EPAS1: variants seen among roughly 807,000 people sequenced by gnomAD.
EPAS1 encodes the protein endothelial PAS domain-containing protein 1.
A neutral mutation model predicts 87.9 loss-of-function variants in EPAS1; 23 were observed. The observed-to-expected ratio is 0.26, with a 90% CI of 0.19 to 0.37. EPAS1 has a LOEUF of 0.37. Among genes scored for constraint, EPAS1 ranks in the 10% least tolerant of loss-of-function variants. EPAS1 has a pLI of 1.00. For missense variants in EPAS1, 1,138 were observed against 1,120.7 expected (o/e 1.02, Z -0.22); for synonymous variants, 508 against 444.3 (o/e 1.14, Z -1.80).
intron 1 of EPAS1, among the ~76,000 whole-genome samples, chr2:46,307,710 G>A (rs1683131051): frequency 6.6e-6 from 1 of 152,102 alleles, no homozygotes; most frequent in Admixed American, 6.5e-5. Context: ...GGAAATTAGT[G>A]CCCCCGTGCA....
chr2:46,385,376 G>A lies in EPAS1; in HGVS notation c.*716G>A, dbSNP rs1239783580. 6.6e-6 allele frequency: 1 copy of A among 152,550 alleles called. No homozygotes were observed. The highest frequency in any genetic ancestry group is 1.5e-5 in the Non-Finnish European group (1 of 68,072). 9.4% of individuals were successfully genotyped at this position (152,550 alleles called of 1,614,324 possible). A position where few individuals can be genotyped will look rare whatever the true frequency, so the allele number is the denominator to read the frequency against. On this transcript the variant is annotated 3_prime_UTR_variant, in exon 16 of 16. Transcript: ENST00000263734. The stretch of plus-strand genomic sequence containing the variant: ...AAAAACATAACTGAGTTTTTTAAAA[G>A]AGGAGAAAATTTATATCTGGGTTAA...
intron 1 of EPAS1, among the ~76,000 whole-genome samples, chr2:46,319,137 A>T (rs906966659): frequency 1.3e-5 from 2 of 152,256 alleles, no homozygotes; most frequent in Non-Finnish European, 2.9e-5. Flanking sequence ...GCTGCAAAAT[A>T]AAAGGTTAAG....
At chr2:46,384,468 C>T (rs373897952) in intron 15 of EPAS1, 41 bp from the exon 16 acceptor site, 18 of 1,613,818 alleles carry the variant, frequency 1.1e-5, no homozygotes, top group Non-Finnish European at 1.4e-5. Context: ...TCCAAATGTT[C>T]GATTTAGGCC....
At chr2:46,348,749 G>A (rs939338219) in intron 2 of EPAS1, among the ~76,000 whole-genome samples, 1 of 152,204 alleles carries the variant, frequency 6.6e-6, no homozygotes, top group Non-Finnish European at 1.5e-5. Context: ...TCAGATTTTG[G>A]AATGCTTGCA....
In EPAS1 at chr2:46,371,449, T is replaced by TGC. The variant is rs1374505117; in HGVS notation, c.886+1517_886+1518insCG. 2.0e-5 allele frequency among the ~76,000 whole-genome samples: 3 copies of TGC among 152,212 alleles called. No homozygotes were observed. The highest frequency in any genetic ancestry group is 4.4e-5 in the Non-Finnish European group (3 of 68,044). The stretch of plus-strand genomic sequence containing the variant: ...ATGATATCTCAGAGAAGTTTCTCAC[T>TGC]GTGCTCTCTGGCAAAACACACACGC... On this transcript the variant is annotated intron_variant, in intron 7 of 15. Coordinates refer to ENST00000263734, the MANE Select transcript of EPAS1 (RefSeq NM_001430.5). The surrounding 1 kb of genome is among the most constrained non-coding windows in gnomAD (Gnocchi z 4.3).
At chr2:46,357,849 G>T (rs1156769039) in intron 4 of EPAS1, among the ~76,000 whole-genome samples, 1 of 152,224 alleles carries the variant, frequency 6.6e-6, no homozygotes, top group Non-Finnish European at 1.5e-5. Flanking sequence ...GGTTGCAATG[G>T]CAGTGGAGCT....
Position 46,297,760 on chromosome 2 carries a change from C to G in EPAS1, c.-152C>G. ...CACCTAGCCCGCCGCGCGCCACCTT[C>G]CACCTGACTGCGCGGGGCGCTCGGG... is the stretch of plus-strand genomic sequence containing the variant. On this transcript the variant is annotated 5_prime_UTR_variant, in exon 1 of 16. Coordinates refer to ENST00000263734, the MANE Select transcript of EPAS1 (RefSeq NM_001430.5). 4 of 1,036,438 alleles carry G rather than the reference C, an allele frequency of 3.9e-6. No homozygotes were observed. The allele number at this position is 1,036,438 out of a possible 1,614,324, so 64.2% of individuals were successfully genotyped here. A position where few individuals can be genotyped will look rare whatever the true frequency, so the allele number is the denominator to read the frequency against.
chr2:46,325,106 A>C (rs1312874480), intron 1 of EPAS1, among the ~76,000 whole-genome samples: 1 of 152,244 alleles, frequency 6.6e-6, no homozygotes, highest in Non-Finnish European at 1.5e-5. Context: ...GGACCCTGGG[A>C]GGAATCCACT....
At chr2:46,384,143 T>C (rs1292229508) in intron 15 of EPAS1, among the ~76,000 whole-genome samples, 2 of 152,208 alleles carry the variant, frequency 1.3e-5, no homozygotes, top group Non-Finnish European at 2.9e-5. Flanking sequence ...TGCATCTGTA[T>C]GTATGTGTGT....
intron 9 of EPAS1, among the ~76,000 whole-genome samples, chr2:46,377,247 G>A (rs534232883): frequency 6.6e-6 from 1 of 152,292 alleles, no homozygotes; most frequent in African/African-American, 2.4e-5. Flanking sequence ...TCAAACCCAC[G>A]ACTTCATTAA....
chr2:46,368,106 A>G (rs1359544104), intron 6 of EPAS1, among the ~76,000 whole-genome samples: 1 of 152,226 alleles, frequency 6.6e-6, no homozygotes, highest in East Asian at 1.9e-4. Context: ...TAGAGGAAGC[A>G]AAAGGAGAAA....
chr2:46,379,840 G>A (rs973929068), intron 11 of EPAS1: 1 of 324,194 alleles, frequency 3.1e-6, no homozygotes, highest in Non-Finnish European at 6.0e-6. Context: ...AAGCCACAGT[G>A]TGCACCACAG....
At position 46,361,349 on chromosome 2, in the gene EPAS1, G is replaced by T. The variant is rs13409493; in HGVS notation, c.779+259G>T. On this transcript the variant is annotated intron_variant, in intron 6 of 15. Transcript: ENST00000263734. ...GTGTGCAACTCTTCTCATCATTGTG[G>T]TGTGAACATATTTCTCCATACGTGT... Among the ~76,000 whole-genome samples, 21,217 of 152,118 alleles carry T rather than the reference G, an allele frequency of 0.14. 1,721 individuals are homozygous for T. Among genetic ancestry groups the T allele is most frequent in the South Asian group, 0.24 (1,168 of 4,820 alleles).
At chr2:46,368,332 G>A (rs1022663916) in intron 6 of EPAS1, among the ~76,000 whole-genome samples, 13 of 152,278 alleles carry the variant, frequency 8.5e-5, no homozygotes, top group African/African-American at 3.1e-4. Context: ...TCTGCAGCAA[G>A]AATGAGTTTT....
chr2:46,370,431 G>A (rs1684605265), intron 7 of EPAS1, among the ~76,000 whole-genome samples: 1 of 152,200 alleles, frequency 6.6e-6, no homozygotes, highest in Admixed American at 6.5e-5. Flanking sequence ...TGAACAGAGG[G>A]GAAAGTATTA....
intron 7 of EPAS1, among the ~76,000 whole-genome samples, chr2:46,373,690 G>A (rs1169145538): frequency 2.6e-5 from 4 of 152,222 alleles, no homozygotes; most frequent in African/African-American, 9.6e-5. Flanking sequence ...TGATGGAAAA[G>A]TGCTATGCCT....
intron 11 of EPAS1, 37 bp downstream of exon 11, chr2:46,378,804 T>G (rs1321839918): frequency 6.5e-7 from 1 of 1,543,586 alleles, no homozygotes. Flanking sequence ...GGTGTGTGCC[T>G]GCTGTCTGGT....
chr2:46,321,406 A>T (rs1474668960), intron 1 of EPAS1, among the ~76,000 whole-genome samples: 2 of 152,146 alleles, frequency 1.3e-5, no homozygotes, highest in African/African-American at 4.8e-5. Context: ...TTTCTGGATC[A>T]TATGGTAATT....
At chr2:46,384,006 C>G (rs1408363689) in intron 15 of EPAS1, among the ~76,000 whole-genome samples, 1 of 151,824 alleles carries the variant, frequency 6.6e-6, no homozygotes, top group Non-Finnish European at 1.5e-5. Flanking sequence ...CTGCGAGTGT[C>G]CCCCCTGCCA....
Sources: allele counts gnomAD v4.1 joint callset (sites outside exome capture counted in the v4.1 genomes callset), GRCh38; gene constraint gnomAD v4.1.1; non-coding constraint Gnocchi (gnomAD v3.1); transcripts MANE v1.5; gene names NCBI Gene and HGNC (gene_info 2026-07-23, HGNC 2026-07-21).